Variants in ULK4 observed in about 807,000 individuals in gnomAD.
ULK4 encodes inactive serine/threonine-protein kinase ULK4.
Under a neutral mutation model 160.6 loss-of-function variants are expected in ULK4, and 133 were observed. The ratio of observed to expected loss-of-function variants is 0.83; its 90% CI spans 0.72 to 0.96. The LOEUF (loss-of-function observed/expected upper bound fraction) is 0.96, where lower values mean the gene tolerates loss of function less well. ULK4 is among the 40% of genes least tolerant of loss of function. The probability of loss-of-function intolerance (pLI) is 0.00; values close to 1 mark genes in which losing one functional copy is unlikely to be tolerated. For missense variants in ULK4, 1,580 were observed against 1,499.5 expected (o/e 1.05, Z -0.89); for synonymous variants, 534 against 539.8 (o/e 0.99, Z 0.15).
intron 27 of ULK4, chr3:41,687,865 G>C (rs1475218075): frequency 6.6e-6 from 1 of 152,232 alleles, no homozygotes; most frequent in Non-Finnish European, 1.5e-5. Context: ...CAGCTCCCAA[G>C]TGCATGTTGA....
intron 32 of ULK4, among the ~76,000 whole-genome samples, chr3:41,493,285 G>A (rs7430270): frequency 0.042 from 5,875 of 138,870 alleles, 460 homozygotes; most frequent in African/African-American, 0.15. Flanking sequence ...CACTGAAAAC[G>A]GCTCAACTGC....
intron 35 of ULK4, among the ~76,000 whole-genome samples, chr3:41,279,255 T>TG (rs1553638183): frequency 2.3e-5 from 1 of 43,074 alleles, no homozygotes; most frequent in African/African-American, 1.2e-4. Context: ...AAAAAAAGAG[T>TG]AAAAAAAAAA....
intron 10 of ULK4, 66 bp downstream of exon 10, chr3:41,911,475 C>T (rs186937593): frequency 3.2e-6 from 5 of 1,586,838 alleles, no homozygotes; most frequent in Admixed American, 3.3e-5. Flanking sequence ...AGGGACATAA[C>T]ACTGAAATTA....
At chr3:41,909,800 CAT>C (rs1698713589) in intron 11 of ULK4, among the ~76,000 whole-genome samples, 1 of 152,074 alleles carries the variant, frequency 6.6e-6, no homozygotes, top group South Asian at 2.1e-4. Flanking sequence ...ATGGGTAAAA[CAT>C]ATCAGGAATT....
intron 1 of ULK4, among the ~76,000 whole-genome samples, chr3:41,961,565 C>CCCCCCCCCCCCCCCA (rs1700674192): frequency 8.9e-6 from 1 of 112,738 alleles, no homozygotes; most frequent in African/African-American, 3.9e-5. Flanking sequence ...CCCCCCCCCC[C>CCCCCCCCCCCCCCCA]CCCCCGCTCC....
chr3:41,539,005 T>C (rs1029165308), intron 32 of ULK4, among the ~76,000 whole-genome samples: 1 of 150,728 alleles, frequency 6.6e-6, no homozygotes, highest in Non-Finnish European at 1.5e-5. Flanking sequence ...TGGACATATA[T>C]TTTATGCTTT....
intron 17 of ULK4, among the ~76,000 whole-genome samples, chr3:41,847,781 G>T (rs2042106214): frequency 6.6e-6 from 1 of 152,004 alleles, no homozygotes; most frequent in African/African-American, 2.4e-5. Flanking sequence ...GATTCCTTTG[G>T]ATGCTGTGTA....
At chr3:41,926,391 G>A (rs183844544) in intron 5 of ULK4, among the ~76,000 whole-genome samples, 5 of 152,152 alleles carry the variant, frequency 3.3e-5, no homozygotes, top group African/African-American at 4.8e-5. Flanking sequence ...AAGATGGAGA[G>A]AAACCAGCAC....
chr3:41,591,528 T>C (rs955340749), intron 31 of ULK4, among the ~76,000 whole-genome samples: 5 of 151,472 alleles, frequency 3.3e-5, no homozygotes, highest in South Asian at 4.2e-4. Context: ...AATCTCATAA[T>C]GTTTTAAGAA....
intron 32 of ULK4, among the ~76,000 whole-genome samples, chr3:41,558,946 T>C (rs1449582466): frequency 7.1e-6 from 1 of 140,188 alleles, no homozygotes; most frequent in Non-Finnish European, 1.6e-5. Context: ...TACATATGTA[T>C]ACATGTGCCA....
chr3:41,274,423 T>C (rs9311266), intron 35 of ULK4, among the ~76,000 whole-genome samples: 1 of 152,096 alleles, frequency 6.6e-6, no homozygotes, highest in Non-Finnish European at 1.5e-5. Context: ...TGTGTGGGAA[T>C]GTCTGAGATG....
At chr3:41,939,805 G>C (rs1699893679) in intron 2 of ULK4, among the ~76,000 whole-genome samples, 1 of 152,078 alleles carries the variant, frequency 6.6e-6, no homozygotes, top group Admixed American at 6.5e-5. Context: ...CTCGCCTCCT[G>C]TCAGATCAGC....
intron 17 of ULK4, among the ~76,000 whole-genome samples, chr3:41,881,459 A>G (rs535110208): frequency 3.3e-5 from 5 of 152,294 alleles, no homozygotes; most frequent in East Asian, 1.9e-4. Flanking sequence ...ATCACAGCCA[A>G]TTGCTCACAG....
At position 41,378,387 on chromosome 3, in the gene ULK4, A is replaced by G. The variant is rs1039268685; in HGVS notation, c.3678+19692T>C. On this transcript the variant is annotated intron_variant, in intron 35 of 36. Transcript: ENST00000301831. Reference sequence around the variant, plus strand: ...CTTAAAGTATAATAATAAAAGAAAAAAAGAATAAATAAATAAAATAAAATG... The same window carrying G: ...CTTAAAGTATAATAATAAAAGAAAAGAAGAATAAATAAATAAAATAAAATG... Among the ~76,000 whole-genome samples the G allele has an allele frequency of 2.3e-4, 35 of 151,542 alleles. 2 individuals carry two copies. Among genetic ancestry groups the G allele is most frequent in the Non-Finnish European group, 2.9e-5 (2 of 67,938 alleles).
intron 17 of ULK4, among the ~76,000 whole-genome samples, chr3:41,843,126 A>G (rs1208275968): frequency 6.6e-6 from 1 of 152,232 alleles, no homozygotes; most frequent in East Asian, 1.9e-4. Context: ...TAGGTTAAAA[A>G]GTACACTTGA....
chr3:41,629,728 G>A (rs1189758494), intron 30 of ULK4, among the ~76,000 whole-genome samples: 1 of 152,116 alleles, frequency 6.6e-6, no homozygotes, highest in Non-Finnish European at 1.5e-5. Flanking sequence ...GGTGGCACAT[G>A]CCTATAATCC....
At chr3:41,831,517 TTATATA>T (rs201753249) in intron 18 of ULK4, among the ~76,000 whole-genome samples, 2 of 132,696 alleles carry the variant, frequency 1.5e-5, no homozygotes, top group East Asian at 2.1e-4. Context: ...TATTGTTATT[TTATATA>T]TATATATATT....
intron 35 of ULK4, among the ~76,000 whole-genome samples, chr3:41,308,329 C>G (rs1307627091): frequency 1.3e-5 from 2 of 152,052 alleles, no homozygotes; most frequent in African/African-American, 4.8e-5. Context: ...ACAGCCTGTG[C>G]AGCATCCCTA....
At chr3:41,366,734 T>C (rs1559547800) in intron 35 of ULK4, among the ~76,000 whole-genome samples, 1 of 152,240 alleles carries the variant, frequency 6.6e-6, no homozygotes, top group Non-Finnish European at 1.5e-5. Context: ...ATTGCTTTCA[T>C]GTGGACAATG....
Sources: gnomAD v4.1 joint callset for allele counts (sites outside exome capture counted in the v4.1 genomes callset) on GRCh38, gnomAD v4.1.1 for gene constraint, MANE v1.5 for transcripts, NCBI Gene and HGNC (gene_info 2026-07-23, HGNC 2026-07-21) for gene names.